Variants in RNGTT observed in about 807,000 individuals in gnomAD.
RNGTT encodes the protein mRNA-capping enzyme.
A neutral mutation model predicts 79.3 loss-of-function variants in RNGTT; 33 were observed. That is an observed-to-expected ratio of 0.42 (90% CI 0.32 to 0.56). RNGTT has a LOEUF of 0.56. RNGTT is among the 20% of genes least tolerant of loss of function. The pLI is 0.17. For synonymous variants in RNGTT, 222 were observed against 235.9 expected (o/e 0.94, Z 0.54); for missense variants, 497 against 739.1 (o/e 0.67, Z 3.80).
intron 14 of RNGTT, among the ~76,000 whole-genome samples, chr6:88,628,123 C>T (rs926187319): frequency 6.6e-6 from 1 of 152,086 alleles, no homozygotes; most frequent in Non-Finnish European, 1.5e-5. Flanking sequence ...CATTTTGTGT[C>T]TCTATGCACT....
intron 13 of RNGTT, among the ~76,000 whole-genome samples, chr6:88,761,562 G>T (rs745929511): frequency 6.6e-6 from 1 of 151,952 alleles, no homozygotes; most frequent in African/African-American, 2.4e-5. Flanking sequence ...CCTTAAAGAA[G>T]GTATTGCAAT....
At chr6:88,755,874 T>C (rs1777994706) in intron 13 of RNGTT, among the ~76,000 whole-genome samples, 1 of 145,668 alleles carries the variant, frequency 6.9e-6, no homozygotes, top group African/African-American at 2.6e-5. Flanking sequence ...GGCAGAGAAC[T>C]GCTTGAACCT....
chr6:88,930,044 A>ATACATATACATGTATATGCATATG (rs1784455032), intron 2 of RNGTT, among the ~76,000 whole-genome samples: 1 of 143,652 alleles, frequency 7.0e-6, no homozygotes, highest in Non-Finnish European at 1.5e-5. Flanking sequence ...ATATATGCAT[A>ATACATATACATGTATATGCATATG]TATACATATA....
chr6:88,924,059 A>G (rs991959731), intron 4 of RNGTT, among the ~76,000 whole-genome samples: 4 of 152,148 alleles, frequency 2.6e-5, no homozygotes, highest in Non-Finnish European at 5.9e-5. Context: ...GGCCACCTCA[A>G]TGCTGGGGGG....
intron 13 of RNGTT, among the ~76,000 whole-genome samples, chr6:88,720,092 G>A (rs918231956): frequency 1.3e-5 from 2 of 152,130 alleles, no homozygotes; most frequent in African/African-American, 4.8e-5. Context: ...CATTGCATTG[G>A]TTATAGTCAG....
At position 88,904,752 on chromosome 6, in the gene RNGTT, G is replaced by T. The variant is rs1315125338; in HGVS notation, c.647C>A (p.Ala216Asp). The change falls in exon 6 of 16, where the codon GCT becomes GAT. Residue 216 changes from alanine to aspartate, a missense_variant. Ala to Asp is a moderately radical substitution (Grantham distance 126). Around this residue, in one of 3 missense-constraint regions of RNGTT, gnomAD observed 440 missense variants for 671.5 expected, o/e 0.66. Transcript: ENST00000369485. ...TTCTTTTCTCCTTTTGCCAAAAGAA[G>T]CACTTGACCCGGGTTCTGATTCCTT... ...GKKESEPGSS[A>D]SFGKRRKERL... 27 of 1,613,618 alleles carry T rather than the reference G, an allele frequency of 1.7e-5. No individual in the cohort carries two copies. Among genetic ancestry groups the T allele is most frequent in the Non-Finnish European group, 2.2e-5 (26 of 1,179,908 alleles).
chr6:88,705,088 T>C (rs781131794), intron 13 of RNGTT, among the ~76,000 whole-genome samples: 8 of 152,196 alleles, frequency 5.3e-5, no homozygotes, highest in Non-Finnish European at 1.0e-4. Flanking sequence ...GCTGGTTTTA[T>C]GGAATTCCTT....
intron 11 of RNGTT, among the ~76,000 whole-genome samples, chr6:88,831,894 AC>A (rs1316302629): frequency 1.3e-5 from 2 of 152,218 alleles, no homozygotes; most frequent in African/African-American, 4.8e-5. Flanking sequence ...GATGTGAATG[AC>A]CTCTTCAAGG....
At chr6:88,784,720 A>C (rs1400079333) in intron 12 of RNGTT, among the ~76,000 whole-genome samples, 1 of 152,170 alleles carries the variant, frequency 6.6e-6, no homozygotes, top group African/African-American at 2.4e-5. Flanking sequence ...GAATTGCTAT[A>C]AGCATAAGGG....
Position 88,730,684 on chromosome 6 carries a change from G to C in RNGTT, c.1439+39090C>G, listed in dbSNP as rs79543020. Among the ~76,000 whole-genome samples, 495 of 152,294 alleles carry C rather than the reference G, an allele frequency of 3.3e-3. 1 individual carries two copies. The highest frequency in any genetic ancestry group is 0.011 in the African/African-American group (473 of 41,560). ...TTCCTAACAGGCCATGGACTGGTAC[G>C]GGTCTGTGGCCTGGGAGTTGGGGAT... On this transcript the variant is annotated intron_variant, in intron 13 of 15. Transcript: ENST00000369485.
chr6:88,769,899 AT>A (rs1778591587), intron 12 of RNGTT, 25 bp from the exon 13 acceptor site: 5 of 1,501,344 alleles, frequency 3.3e-6, no homozygotes, highest in Non-Finnish European at 4.6e-6. Context: ...AATGATGACA[AT>A]CGTTACTAAG....
intron 8 of RNGTT, among the ~76,000 whole-genome samples, chr6:88,878,276 T>C (rs1782584115): frequency 6.6e-6 from 1 of 151,976 alleles, no homozygotes; most frequent in Admixed American, 6.6e-5. Flanking sequence ...TTCTATTTTT[T>C]AGTAGACACA....
intron 6 of RNGTT, among the ~76,000 whole-genome samples, chr6:88,900,133 C>T (rs1212077112): frequency 7.6e-6 from 1 of 131,610 alleles, no homozygotes; most frequent in Non-Finnish European, 1.6e-5. Flanking sequence ...CTCAAATATG[C>T]AAAAAAAAAA....
At chr6:88,855,619 G>T (rs1185702153) in intron 8 of RNGTT, among the ~76,000 whole-genome samples, 1 of 152,168 alleles carries the variant, frequency 6.6e-6, no homozygotes, top group Non-Finnish European at 1.5e-5. Context: ...GGGAGCAGAT[G>T]GAGAGCTCAG....
At chr6:88,698,352 T>C (rs560928830) in intron 13 of RNGTT, among the ~76,000 whole-genome samples, 1 of 145,886 alleles carries the variant, frequency 6.9e-6, no homozygotes, top group South Asian at 2.1e-4. Flanking sequence ...TGAATTATCA[T>C]TATTAGAAAT....
intron 12 of RNGTT, among the ~76,000 whole-genome samples, chr6:88,797,126 T>TAA (rs1257063906): frequency 6.6e-6 from 1 of 152,166 alleles, no homozygotes; most frequent in African/African-American, 2.4e-5. Context: ...ACTTACGTGT[T>TAA]AAACAAAATG....
At chr6:88,961,692 T>C (rs1409118392) in intron 1 of RNGTT, among the ~76,000 whole-genome samples, 1 of 152,248 alleles carries the variant, frequency 6.6e-6, no homozygotes, top group African/African-American at 2.4e-5. Context: ...GTATAATACA[T>C]TGATGGTGGG....
chr6:88,726,992 A>G (rs1218361360), intron 13 of RNGTT, among the ~76,000 whole-genome samples: 1 of 146,742 alleles, frequency 6.8e-6, no homozygotes, highest in African/African-American at 2.5e-5. Flanking sequence ...TCTCTGGGGA[A>G]AAAAAGGGGT....
intron 13 of RNGTT, among the ~76,000 whole-genome samples, chr6:88,719,658 A>AATT (rs1414205383): frequency 6.6e-6 from 1 of 152,214 alleles, no homozygotes; most frequent in Non-Finnish European, 1.5e-5. Context: ...TAAAGAACTC[A>AATT]ATTTAAATTT....
Sources: allele counts gnomAD v4.1 joint callset (sites outside exome capture counted in the v4.1 genomes callset), GRCh38; gene constraint gnomAD v4.1.1; regional missense constraint gnomAD v4.1.1; transcripts MANE v1.5; gene names NCBI Gene and HGNC (gene_info 2026-07-23, HGNC 2026-07-21).